COLGALT2: variants seen among roughly 807,000 people sequenced by gnomAD.
COLGALT2 encodes the protein procollagen galactosyltransferase 2.
Under a neutral mutation model 73.4 loss-of-function variants are expected in COLGALT2, and 49 were observed. The ratio of observed to expected loss-of-function variants is 0.67; its 90% confidence interval spans 0.53 to 0.85. The LOEUF is 0.85. Among genes scored for constraint, COLGALT2 ranks in the 40% least tolerant of loss-of-function variants. The probability of loss-of-function intolerance (pLI) is 0.00; values close to 1 mark genes in which losing one functional copy is unlikely to be tolerated. For missense variants in COLGALT2, 722 were observed against 790.2 expected, an observed-to-expected ratio of 0.91 and a Z score of 1.03; for synonymous variants, 295 against 307.6, an observed-to-expected ratio of 0.96 and a Z score of 0.43.
intron 5 of COLGALT2, among the ~76,000 whole-genome samples, chr1:183,966,212 A>G (rs1400915566): frequency 6.6e-6 from 1 of 152,220 alleles, no homozygotes; most frequent in Non-Finnish European, 1.5e-5. Context: ...AATTTAAAAG[A>G]AAATGTATTA....
rs71657827 is a variant in COLGALT2 at position 183,936,350 on chromosome 1, GAA to G, written c.*2409_*2410del. The G allele has an allele frequency of 0.26, 258,609 of 985,118 alleles. 34,813 individuals are homozygous for G. Among genetic ancestry groups the G allele is most frequent in the Non-Finnish European group, 0.27 (227,542 of 829,490 alleles). The allele number at this position is 985,118 out of a possible 1,614,324, so 61.0% of individuals were successfully genotyped here. On this transcript the variant is annotated 3_prime_UTR_variant, in exon 12 of 12. Coordinates refer to ENST00000361927, the MANE Select transcript of COLGALT2 (RefSeq NM_015101.4). The stretch of plus-strand genomic sequence containing the variant: ...CATCTGCGGCTCACAGTGTTCACCA[GAA>G]AAGAACACTGCTTGGGATTCTAGAC...
chr1:183,933,066 G>A (rs1031910907), downstream of COLGALT2, among the ~76,000 whole-genome samples: 34 of 152,156 alleles, frequency 2.2e-4, no homozygotes, highest in Non-Finnish European at 4.4e-5. Flanking sequence ...CTGTGCAAGC[G>A]GTTCAACTCA....
rs1251545285 is a variant in COLGALT2, at chr1:183,937,627, T to A, written c.*1134A>T. 4.1e-6 allele frequency: 4 copies of A among 985,424 alleles called. No individual in the cohort carries two copies. Among genetic ancestry groups the A allele is most frequent in the Middle Eastern group, 1.0e-3 (2 of 1,914 alleles). 61.0% of individuals were successfully genotyped at this position (985,424 alleles called of 1,614,324 possible). On this transcript the variant is annotated 3_prime_UTR_variant, in exon 12 of 12. Transcript: ENST00000361927. Reference sequence around the variant, plus strand: ...ATCCACAGGCCTCCCCACAAGAGCCTGGCTGGGAAATTCAGGAGAATCAGA... The same window carrying A: ...ATCCACAGGCCTCCCCACAAGAGCCAGGCTGGGAAATTCAGGAGAATCAGA...
intron 1 of COLGALT2, among the ~76,000 whole-genome samples, chr1:184,021,490 T>G (rs1186929351): frequency 6.6e-6 from 1 of 152,118 alleles, no homozygotes; most frequent in Non-Finnish European, 1.5e-5. Context: ...AGGACAAGTT[T>G]GGCCTCTCTT....
chr1:183,938,203 T>TTTC lies in COLGALT2; in HGVS notation c.*557_*558insGAA. 1 of 985,438 alleles carries TTTC rather than the reference T, an allele frequency of 1.0e-6. No homozygotes were observed. Among genetic ancestry groups the TTTC allele is most frequent in the Non-Finnish European group, 1.2e-6 (1 of 830,280 alleles). The allele number at this position is 985,438 out of a possible 1,614,324, so 61.0% of individuals were successfully genotyped here. On this transcript the variant is annotated 3_prime_UTR_variant, in exon 12 of 12. Coordinates refer to ENST00000361927, the MANE Select transcript of COLGALT2 (RefSeq NM_015101.4). ...CTGGATAACAGGGACTAAGATTTTT[T>TTTC]TTTTTTAAAAAATCTACTTTTCAAT...
At chr1:184,036,249 A>T (rs921887814) in intron 1 of COLGALT2, among the ~76,000 whole-genome samples, 3 of 152,190 alleles carry the variant, frequency 2.0e-5, no homozygotes, top group Admixed American at 2.0e-4. Flanking sequence ...TCGCGTTTAT[A>T]AAAGGTGCGA....
At chr1:183,950,356 T>C (rs1006292650) in intron 8 of COLGALT2, among the ~76,000 whole-genome samples, 1 of 151,238 alleles carries the variant, frequency 6.6e-6, no homozygotes, top group African/African-American at 2.4e-5. Context: ...GTTATGCAAA[T>C]AGAAAACAAA....
chr1:184,016,100 T>C (rs549488750), intron 1 of COLGALT2, among the ~76,000 whole-genome samples: 4 of 152,352 alleles, frequency 2.6e-5, no homozygotes, highest in Admixed American at 6.5e-5. Flanking sequence ...GAATGAGTTT[T>C]TCATGCACTA....
chr1:183,944,075 A>G (rs1572629320), intron 10 of COLGALT2, 121 bp downstream of exon 10: 1 of 1,193,692 alleles, frequency 8.4e-7, no homozygotes, highest in South Asian at 1.9e-5. Flanking sequence ...TATGGAAAGA[A>G]AACTAGATAA....
At chr1:184,024,332 AC>A in intron 1 of COLGALT2, among the ~76,000 whole-genome samples, 1 of 151,732 alleles carries the variant, frequency 6.6e-6, no homozygotes, top group Admixed American at 6.6e-5. Context: ...GTTGCTGAAT[AC>A]CTTTCAGCTT....
chr1:183,971,032 A>G (rs1671024499), intron 4 of COLGALT2, among the ~76,000 whole-genome samples: 1 of 152,160 alleles, frequency 6.6e-6, no homozygotes, highest in Non-Finnish European at 1.5e-5. Context: ...ATGATGAATC[A>G]CTGAATATCC....
intron 1 of COLGALT2, among the ~76,000 whole-genome samples, chr1:184,032,525 C>T (rs1165291839): frequency 6.6e-6 from 1 of 152,144 alleles, no homozygotes; most frequent in Non-Finnish European, 1.5e-5. Context: ...GTCTATCTGA[C>T]CCTAAGCTTG....
chr1:183,990,175 C>T (rs955532365), intron 1 of COLGALT2, among the ~76,000 whole-genome samples: 5 of 152,136 alleles, frequency 3.3e-5, no homozygotes, highest in Non-Finnish European at 7.3e-5. Flanking sequence ...TATGACTGTC[C>T]GGCTTAAAGA....
rs1236387469 is a variant in COLGALT2 at position 183,936,601 on chromosome 1, C to T, written c.*2160G>A. On this transcript the variant is annotated 3_prime_UTR_variant, in exon 12 of 12. Transcript: ENST00000361927. ...CCTTCAACCCCAGCACCCCAGCCAC[C>T]TCCCACCCCATTAAAAAAGTCATTA... 2.2e-5 allele frequency: 26 copies of T among 1,175,400 alleles called. No individual in the cohort carries two copies. Among genetic ancestry groups the T allele is most frequent in the Middle Eastern group, 3.3e-4 (1 of 2,988 alleles). The allele number at this position is 1,175,400 out of a possible 1,614,324, so 72.8% of individuals were successfully genotyped here.
In COLGALT2 at chr1:183,964,914, A is replaced by T. The variant is rs543624539; in HGVS notation, c.833-894T>A. Among the ~76,000 whole-genome samples the T allele has an allele frequency of 2.4e-4, 36 of 152,308 alleles. 1 individual carries two copies. The highest frequency in any genetic ancestry group is 8.2e-4 in the African/African-American group (34 of 41,556). On this transcript the variant is annotated intron_variant, in intron 5 of 11. Transcript: ENST00000361927. ...CATGTATCCAAGCCTGTGATTTGTT[A>T]ATTGCGATAATTGTCAGTGTTTTCC...
chr1:183,966,535 T>G lies in COLGALT2; in HGVS notation c.833-2515A>C, dbSNP rs536257695. On this transcript the variant is annotated intron_variant, in intron 5 of 11. Coordinates refer to ENST00000361927, the MANE Select transcript of COLGALT2 (RefSeq NM_015101.4). ...AAGTGCTTTCTACCCAGTCAGTAAT[T>G]GGAAGCTCAGTTCCAAGACCATTAG... Among the ~76,000 whole-genome samples the G allele has an allele frequency of 7.0e-4, 106 of 152,324 alleles. 1 individual carries two copies. The highest frequency in any genetic ancestry group is 1.3e-3 in the Non-Finnish European group (86 of 68,036).
chr1:183,981,081 A>G (rs1671335699), intron 1 of COLGALT2, among the ~76,000 whole-genome samples: 1 of 152,208 alleles, frequency 6.6e-6, no homozygotes, highest in East Asian at 1.9e-4. Flanking sequence ...TGACACAGGG[A>G]TAAATGACAT....
At chr1:184,011,655 G>T (rs778332139) in intron 1 of COLGALT2, among the ~76,000 whole-genome samples, 1 of 152,180 alleles carries the variant, frequency 6.6e-6, no homozygotes, top group African/African-American at 2.4e-5. Flanking sequence ...AATTCAAGGG[G>T]TCACCATCTC....
At chr1:184,014,693 G>C (rs537103165) in intron 1 of COLGALT2, among the ~76,000 whole-genome samples, 99 of 152,292 alleles carry the variant, frequency 6.5e-4, no homozygotes, top group African/African-American at 2.3e-3. Context: ...ATGAGGCAAA[G>C]GCTACTGGGA....
Sources: gnomAD v4.1 joint callset for allele counts (sites outside exome capture counted in the v4.1 genomes callset) on GRCh38, gnomAD v4.1.1 for gene constraint, MANE v1.5 for transcripts, NCBI Gene and HGNC (gene_info 2026-07-23, HGNC 2026-07-21) for gene names.